NRXN3: variants seen among roughly 807,000 people sequenced by gnomAD.
NRXN3 encodes neurexin III.
In NRXN3, 32 loss-of-function variants were observed where a neutral mutation model predicts 137.6. That is an observed-to-expected ratio of 0.23 (90% CI 0.18 to 0.31). The LOEUF is 0.31. NRXN3 is among the 10% of genes least tolerant of loss of function. The pLI is 1.00. For missense variants in NRXN3, 1,574 were observed against 2,062.5 expected, an observed-to-expected ratio of 0.76 and a Z score of 4.59; for synonymous variants, 798 against 784.5, an observed-to-expected ratio of 1.02 and a Z score of -0.29.
At chr14:79,784,664 C>T (rs1467470561) in intron 19 of NRXN3, among the ~76,000 whole-genome samples, 1 of 137,490 alleles carries the variant, frequency 7.3e-6, no homozygotes, top group Admixed American at 7.9e-5. Context: ...CAAACGAGCA[C>T]AGCATGGTCC....
At chr14:79,454,372 A>G (rs567253047) in intron 15 of NRXN3, among the ~76,000 whole-genome samples, 355 of 152,122 alleles carry the variant, frequency 2.3e-3, no homozygotes, top group Non-Finnish European at 3.9e-3. Context: ...ATGCACCACC[A>G]GGCCTGGCTA....
intron 15 of NRXN3, among the ~76,000 whole-genome samples, chr14:79,259,604 T>C (rs1017273926): frequency 5.4e-5 from 8 of 148,086 alleles, no homozygotes; most frequent in African/African-American, 1.2e-4. Context: ...TATATATATA[T>C]AGCTATATAT....
At chr14:78,849,243 G>A (rs564805217) in intron 10 of NRXN3, among the ~76,000 whole-genome samples, 8 of 152,168 alleles carry the variant, frequency 5.3e-5, no homozygotes, top group Admixed American at 2.6e-4. Flanking sequence ...GTTCACTTGG[G>A]ATGAGAAGAT....
At chr14:79,020,836 A>C (rs969732009) in intron 15 of NRXN3, among the ~76,000 whole-genome samples, 1 of 147,342 alleles carries the variant, frequency 6.8e-6, no homozygotes, top group African/African-American at 2.5e-5. Context: ...CTGTTTATGA[A>C]ATGCGCTCTG....
intron 4 of NRXN3, among the ~76,000 whole-genome samples, chr14:78,450,479 G>T (rs1253793155): frequency 2.0e-5 from 3 of 152,120 alleles, no homozygotes; most frequent in South Asian, 2.1e-4. Flanking sequence ...GTCATTCACT[G>T]GTTCCCATTC....
intron 20 of NRXN3, among the ~76,000 whole-genome samples, chr14:79,830,002 A>G (rs1188741745): frequency 6.6e-6 from 1 of 152,236 alleles, no homozygotes; most frequent in African/African-American, 2.4e-5. Flanking sequence ...TTGAAAGACT[A>G]GTGATGAAAT....
intron 16 of NRXN3, among the ~76,000 whole-genome samples, chr14:79,582,283 T>C (rs550099341): frequency 3.3e-5 from 5 of 151,818 alleles, no homozygotes; most frequent in Non-Finnish European, 7.4e-5. Context: ...ACATGTAAGG[T>C]AATAGGAGCT....
intron 10 of NRXN3, among the ~76,000 whole-genome samples, chr14:78,931,913 G>C (rs146297454): frequency 6.6e-6 from 1 of 152,082 alleles, no homozygotes; most frequent in Non-Finnish European, 1.5e-5. Flanking sequence ...TTGAGAGGCC[G>C]AGGCAGGTGG....
chr14:78,716,960 G>C (rs2098436870), intron 8 of NRXN3, among the ~76,000 whole-genome samples: 2 of 152,180 alleles, frequency 1.3e-5, no homozygotes, highest in South Asian at 4.1e-4. Flanking sequence ...TCAGGTGCCT[G>C]GGCTCTTTCC....
At chr14:78,764,087 A>G (rs1452641307) in intron 8 of NRXN3, among the ~76,000 whole-genome samples, 2 of 152,192 alleles carry the variant, frequency 1.3e-5, no homozygotes, top group Non-Finnish European at 2.9e-5. Flanking sequence ...AAGATCACAC[A>G]GCCAGTACAT....
intron 1 of NRXN3, among the ~76,000 whole-genome samples, chr14:78,210,822 G>A (rs1301610255): frequency 6.6e-6 from 1 of 152,092 alleles, no homozygotes; most frequent in African/African-American, 2.4e-5. Context: ...GCAAGCAGCC[G>A]TGGTAAATCT....
At chr14:78,459,234 A>G (rs1412660690) in intron 4 of NRXN3, among the ~76,000 whole-genome samples, 1 of 152,224 alleles carries the variant, frequency 6.6e-6, no homozygotes, top group East Asian at 1.9e-4. Context: ...AAGATAGAGG[A>G]TGCTGATTAG....
At chr14:78,963,053 G>A (rs2099411244) in intron 11 of NRXN3, among the ~76,000 whole-genome samples, 2 of 151,782 alleles carry the variant, frequency 1.3e-5, no homozygotes, top group Non-Finnish European at 2.9e-5. Context: ...TCCTGTGTGA[G>A]TCATCCTGAA....
chr14:79,573,822 C>T (rs1435259119), intron 16 of NRXN3, among the ~76,000 whole-genome samples: 3 of 152,010 alleles, frequency 2.0e-5, no homozygotes, highest in Admixed American at 6.6e-5. Context: ...GCTTGAAGGC[C>T]AGGCTGAGGG....
intron 4 of NRXN3, among the ~76,000 whole-genome samples, chr14:78,347,667 A>G (rs1430171554): frequency 1.3e-5 from 2 of 152,096 alleles, no homozygotes; most frequent in African/African-American, 4.8e-5. Flanking sequence ...CTGATTATTT[A>G]TTATCTTCAC....
chr14:79,843,731 A>C (rs1355945178), intron 20 of NRXN3, among the ~76,000 whole-genome samples: 1 of 152,212 alleles, frequency 6.6e-6, no homozygotes, highest in East Asian at 1.9e-4. Flanking sequence ...CATAAGAAGC[A>C]ACTCCTTAAC....
intron 15 of NRXN3, among the ~76,000 whole-genome samples, chr14:79,240,625 T>C (rs2074116039): frequency 6.6e-6 from 1 of 152,180 alleles, no homozygotes; most frequent in South Asian, 2.1e-4. Context: ...CATGCCCTTT[T>C]CTTCTGACAA....
intron 20 of NRXN3, among the ~76,000 whole-genome samples, chr14:79,832,401 C>T (rs2099326657): frequency 6.6e-6 from 1 of 152,104 alleles, no homozygotes; most frequent in Admixed American, 6.5e-5. Flanking sequence ...CTCAATAGAG[C>T]CAGTAATAAC....
chr14:79,653,948 G>A (rs2098490903), intron 16 of NRXN3, among the ~76,000 whole-genome samples: 1 of 152,146 alleles, frequency 6.6e-6, no homozygotes, highest in South Asian at 2.1e-4. Context: ...AGGGACCTTG[G>A]AAAGTACCCC....
Sources: gnomAD v4.1 joint callset for allele counts (sites outside exome capture counted in the v4.1 genomes callset) on GRCh38, gnomAD v4.1.1 for gene constraint, MANE v1.5 for transcripts, NCBI Gene and HGNC (gene_info 2026-07-23, HGNC 2026-07-21) for gene names.